PCDH9: variants seen among roughly 807,000 people sequenced by gnomAD.
PCDH9 encodes protocadherin-9.
A neutral mutation model predicts 70.6 loss-of-function variants in PCDH9; 24 were observed. That is an observed-to-expected ratio of 0.34 (90% CI 0.25 to 0.48). PCDH9 has a LOEUF of 0.48. PCDH9 is among the 20% of genes least tolerant of loss of function. PCDH9 has a pLI of 0.99. For synonymous variants in PCDH9, 562 were observed against 558.5 expected, an observed-to-expected ratio of 1.01 and a Z score of -0.09; for missense variants, 1,281 against 1,503.6, an observed-to-expected ratio of 0.85 and a Z score of 2.45.
intron 2 of PCDH9, chr13:67,207,019 T>A (rs190417486): frequency 1.2e-4 from 19 of 152,282 alleles, no homozygotes; most frequent in Admixed American, 5.2e-4. Flanking sequence ...CAAATGCTAA[T>A]TTCTACTTTT....
At chr13:67,105,287 A>AATTAC (rs1179435995) in intron 2 of PCDH9, among the ~76,000 whole-genome samples, 1 of 152,190 alleles carries the variant, frequency 6.6e-6, no homozygotes, top group Non-Finnish European at 1.5e-5. Context: ...CTTACTCTGT[A>AATTAC]ATTTAGTAAA....
intron 3 of PCDH9, among the ~76,000 whole-genome samples, chr13:66,843,134 A>G (rs2081144701): frequency 6.6e-6 from 1 of 152,212 alleles, no homozygotes; most frequent in Non-Finnish European, 1.5e-5. Flanking sequence ...CCCTCAGCAA[A>G]GATAATTCTG....
At chr13:67,163,915 T>A (rs773391157) in intron 2 of PCDH9, among the ~76,000 whole-genome samples, 16 of 152,168 alleles carry the variant, frequency 1.1e-4, no homozygotes, top group Non-Finnish European at 2.4e-4. Flanking sequence ...TATAGGAATT[T>A]TAAAGTAAAA....
chr13:66,791,064 G>A (rs559570970), intron 3 of PCDH9, among the ~76,000 whole-genome samples: 1 of 152,158 alleles, frequency 6.6e-6, no homozygotes, highest in African/African-American at 2.4e-5. Flanking sequence ...TATTGTGTGA[G>A]GTTAGCTATC....
intron 3 of PCDH9, among the ~76,000 whole-genome samples, chr13:66,657,968 A>G (rs2077956106): frequency 6.6e-6 from 1 of 152,220 alleles, no homozygotes. Flanking sequence ...ATGGCATTAA[A>G]GAGAAAAATA....
chr13:66,525,505 A>T (rs2138619852), intron 4 of PCDH9, among the ~76,000 whole-genome samples: 1 of 152,180 alleles, frequency 6.6e-6, no homozygotes, highest in South Asian at 2.1e-4. Flanking sequence ...TAGCACTTAC[A>T]CTTGTCTAAA....
chr13:66,806,598 CT>C (rs1394379217), intron 3 of PCDH9, among the ~76,000 whole-genome samples: 1 of 152,136 alleles, frequency 6.6e-6, no homozygotes, highest in Non-Finnish European at 1.5e-5. Flanking sequence ...AATTAAGGAG[CT>C]AGTATAACGA....
intron 2 of PCDH9, among the ~76,000 whole-genome samples, chr13:67,081,434 G>A (rs940527170): frequency 6.6e-6 from 1 of 152,096 alleles, no homozygotes; most frequent in Non-Finnish European, 1.5e-5. Context: ...CAGGTGTGAT[G>A]GCATGCACCT....
intron 3 of PCDH9, among the ~76,000 whole-genome samples, chr13:66,701,897 T>C (rs148254620): frequency 2.6e-5 from 4 of 152,292 alleles, no homozygotes; most frequent in African/African-American, 7.2e-5. Flanking sequence ...GATGCAGGGA[T>C]TGTTACTCTC....
intron 4 of PCDH9, among the ~76,000 whole-genome samples, chr13:66,444,712 C>T (rs1239543897): frequency 6.6e-6 from 1 of 152,016 alleles, no homozygotes; most frequent in Non-Finnish European, 1.5e-5. Flanking sequence ...AGGCATGTGC[C>T]ACCAGGCCTG....
intron 4 of PCDH9, among the ~76,000 whole-genome samples, chr13:66,518,412 T>C (rs1408965967): frequency 2.0e-5 from 3 of 152,086 alleles, no homozygotes; most frequent in East Asian, 1.9e-4. Flanking sequence ...TCCTGAATCA[T>C]CAATAAAACC....
At chr13:66,404,407 T>G (rs1443872362) in intron 4 of PCDH9, among the ~76,000 whole-genome samples, 1 of 151,888 alleles carries the variant, frequency 6.6e-6, no homozygotes, top group African/African-American at 2.4e-5. Flanking sequence ...GTAGGAACAA[T>G]AAGGGAAGGG....
intron 3 of PCDH9, among the ~76,000 whole-genome samples, chr13:66,703,749 G>C (rs987612324): frequency 6.6e-6 from 1 of 151,764 alleles, no homozygotes; most frequent in Non-Finnish European, 1.5e-5. Context: ...AATACAAAAA[G>C]TATCCAGGCA....
At chr13:66,987,421 T>C (rs561203528) in intron 2 of PCDH9, among the ~76,000 whole-genome samples, 1 of 152,154 alleles carries the variant, frequency 6.6e-6, no homozygotes, top group East Asian at 1.9e-4. Flanking sequence ...GATACATTAA[T>C]TGTGTTATTG....
At chr13:66,322,361 C>T (rs1281026410) in intron 4 of PCDH9, among the ~76,000 whole-genome samples, 9 of 151,992 alleles carry the variant, frequency 5.9e-5, no homozygotes, top group East Asian at 1.9e-4. Flanking sequence ...GTTTCTCATA[C>T]GTTGTCTATA....
intron 2 of PCDH9, among the ~76,000 whole-genome samples, chr13:67,115,408 G>C (rs1566434532): frequency 6.6e-6 from 1 of 152,158 alleles, no homozygotes; most frequent in Non-Finnish European, 1.5e-5. Context: ...CATGTTCTGT[G>C]CAACCCACCC....
intron 2 of PCDH9, among the ~76,000 whole-genome samples, chr13:67,136,631 G>A (rs2087239514): frequency 6.6e-6 from 1 of 152,114 alleles, no homozygotes; most frequent in Non-Finnish European, 1.5e-5. Flanking sequence ...TGTAGTTCAG[G>A]CAGATATTAT....
At chr13:66,482,413 G>C (rs1958858021) in intron 4 of PCDH9, among the ~76,000 whole-genome samples, 1 of 152,146 alleles carries the variant, frequency 6.6e-6, no homozygotes. Flanking sequence ...AGGACACGCA[G>C]GCCCCTCTAT....
intron 2 of PCDH9, among the ~76,000 whole-genome samples, chr13:66,933,353 C>T (rs1293971500): frequency 1.3e-5 from 2 of 152,088 alleles, no homozygotes; most frequent in Non-Finnish European, 2.9e-5. Flanking sequence ...AATTTCTCAG[C>T]TGAACAAGGT....
Sources: allele counts gnomAD v4.1 joint callset (sites outside exome capture counted in the v4.1 genomes callset), GRCh38; gene constraint gnomAD v4.1.1; transcripts MANE v1.5; gene names NCBI Gene and HGNC (gene_info 2026-07-23, HGNC 2026-07-21).